The following SAMD5 variants were observed in gnomAD, a reference collection of about 807,000 sequenced individuals.
SAMD5 encodes sterile alpha motif domain-containing protein 5.
In SAMD5, 13 loss-of-function variants were observed where a neutral mutation model predicts 11.3. The observed-to-expected ratio is 1.15, with a 90% confidence interval of 0.75 to 1.83. The LOEUF (loss-of-function observed/expected upper bound fraction) is 1.83. Ranked by LOEUF, SAMD5 falls within the 40% of genes most tolerant of loss-of-function variation. SAMD5 has a pLI of 0.00. For missense variants in SAMD5, 255 were observed against 239.1 expected (o/e 1.07, Z -0.44); for synonymous variants, 129 against 111.3 (o/e 1.16, Z -1.00).
At chr6:147,562,992 C>T (rs1181226238) in intron 1 of SAMD5, among the ~76,000 whole-genome samples, 1 of 152,166 alleles carries the variant, frequency 6.6e-6, no homozygotes. Flanking sequence ...ATAACAAGAG[C>T]TGATGTTTAA....
the SAMD5 span, among the ~76,000 whole-genome samples, chr6:147,936,718 A>G: frequency 3.3e-5 from 5 of 152,224 alleles, no homozygotes; most frequent in South Asian, 2.1e-4. Context: ...ACAAGCAAAG[A>G]GAAGAAAATG....
chr6:147,643,935 C>T (rs76618892), intron 1 of SAMD5, among the ~76,000 whole-genome samples: 98 of 140,352 alleles, frequency 7.0e-4, no homozygotes, highest in African/African-American at 2.5e-3. Context: ...GGGATCTCAA[C>T]TTGCCTGGGG....
At chr6:147,899,195 A>AAAAGG in the SAMD5 span, among the ~76,000 whole-genome samples, 1 of 149,060 alleles carries the variant, frequency 6.7e-6, no homozygotes, top group African/African-American at 2.5e-5. Flanking sequence ...AAAAAAAAAG[A>AAAAGG]TAACGTGTCA....
chr6:147,895,419 T>G, the SAMD5 span, among the ~76,000 whole-genome samples: 3 of 152,178 alleles, frequency 2.0e-5, no homozygotes, highest in Admixed American at 6.5e-5. Flanking sequence ...GGTCTAGCCA[T>G]GTATCAGGCT....
intron 1 of SAMD5, among the ~76,000 whole-genome samples, chr6:147,604,446 G>T (rs2128448495): frequency 6.6e-6 from 1 of 152,248 alleles, no homozygotes; most frequent in Non-Finnish European, 1.5e-5. Flanking sequence ...TAGTTTTCCT[G>T]TTAGGTTAAG....
At chr6:147,562,544 C>T (rs993169769) in intron 1 of SAMD5, among the ~76,000 whole-genome samples, 8 of 152,150 alleles carry the variant, frequency 5.3e-5, no homozygotes, top group African/African-American at 7.2e-5. Context: ...AAGTGTTGGC[C>T]GGGTGTGGTG....
chr6:147,712,910 A>T (rs940003581), intron 1 of SAMD5, among the ~76,000 whole-genome samples: 2 of 152,206 alleles, frequency 1.3e-5, no homozygotes, highest in Non-Finnish European at 2.9e-5. Context: ...GGAGCAGTTT[A>T]TTGGTTCCTA....
chr6:147,522,206 C>G (rs1208755173), intron 1 of SAMD5, among the ~76,000 whole-genome samples: 1 of 152,020 alleles, frequency 6.6e-6, no homozygotes, highest in Non-Finnish European at 1.5e-5. Flanking sequence ...ATTGCATTGG[C>G]TAGAATTTAT....
the SAMD5 span, among the ~76,000 whole-genome samples, chr6:147,760,849 G>A: frequency 0.028 from 4,252 of 152,154 alleles, 164 homozygotes; most frequent in African/African-American, 0.085. Flanking sequence ...ATTAGAATTT[G>A]TAGAAACAAA....
chr6:147,805,449 T>C, the SAMD5 span, among the ~76,000 whole-genome samples: 96 of 152,318 alleles, frequency 6.3e-4, no homozygotes, highest in African/African-American at 2.1e-3. Flanking sequence ...ACTTCCTTTA[T>C]TGAAATGATG....
intron 1 of SAMD5, among the ~76,000 whole-genome samples, chr6:147,558,317 A>T (rs1486962958): frequency 1.3e-5 from 2 of 152,056 alleles, no homozygotes; most frequent in Non-Finnish European, 2.9e-5. Context: ...GTATCCAAAG[A>T]CCCACCATAT....
At chr6:147,840,839 C>T in the SAMD5 span, among the ~76,000 whole-genome samples, 1 of 152,178 alleles carries the variant, frequency 6.6e-6, no homozygotes, top group South Asian at 2.1e-4. Context: ...TTGCTTAATG[C>T]TCTGAAAATC....
At chr6:147,781,331 A>C in the SAMD5 span, among the ~76,000 whole-genome samples, 1 of 151,994 alleles carries the variant, frequency 6.6e-6, no homozygotes, top group East Asian at 1.9e-4. Context: ...AATTTAAAAA[A>C]AAAATTGTAG....
chr6:147,609,739 G>A (rs143716427), intron 1 of SAMD5, among the ~76,000 whole-genome samples: 3 of 151,732 alleles, frequency 2.0e-5, no homozygotes, highest in Admixed American at 6.6e-5. Context: ...TGAATGTTTA[G>A]TAGAAACAGG....
At chr6:147,913,124 G>T in the SAMD5 span, among the ~76,000 whole-genome samples, 1 of 152,084 alleles carries the variant, frequency 6.6e-6, no homozygotes, top group African/African-American at 2.4e-5. Flanking sequence ...AGAGGAAAAG[G>T]ATTTTAGAAA....
chr6:147,791,854 A>T, the SAMD5 span, among the ~76,000 whole-genome samples: 2 of 152,214 alleles, frequency 1.3e-5, no homozygotes, highest in Admixed American at 1.3e-4. Flanking sequence ...TGCATATTTT[A>T]TGCCAATTAT....
At chr6:147,789,278 A>AACAC in the SAMD5 span, among the ~76,000 whole-genome samples, 6,135 of 141,044 alleles carry the variant, frequency 0.043, 219 homozygotes, top group East Asian at 0.18. Flanking sequence ...TCTCTAGAAA[A>AACAC]ACACACACAC....
chr6:147,791,384 C>T, the SAMD5 span, among the ~76,000 whole-genome samples: 1 of 152,066 alleles, frequency 6.6e-6, no homozygotes, highest in African/African-American at 2.4e-5. Flanking sequence ...TGATAGATCT[C>T]ATCAAAAATT....
chr6:147,675,350 AC>A (rs1167760537), intron 1 of SAMD5, among the ~76,000 whole-genome samples: 1 of 152,130 alleles, frequency 6.6e-6, no homozygotes, highest in Non-Finnish European at 1.5e-5. Flanking sequence ...AATGTGAAGA[AC>A]CCATCCTGAA....
Sources: gnomAD v4.1 joint callset for allele counts (sites outside exome capture counted in the v4.1 genomes callset) on GRCh38, gnomAD v4.1.1 for gene constraint, MANE v1.5 for transcripts, NCBI Gene and HGNC (gene_info 2026-07-23, HGNC 2026-07-21) for gene names.